Variants in ATP8A2 observed in about 807,000 individuals in gnomAD.
ATP8A2 encodes phospholipid-transporting ATPase IB.
In ATP8A2, 100 loss-of-function variants were observed where a neutral mutation model predicts 165.6. The observed-to-expected ratio is 0.60, with a 90% CI of 0.51 to 0.71. ATP8A2 has a LOEUF of 0.71. Ranked by LOEUF, ATP8A2 falls within the 30% of genes least tolerant of loss-of-function variation. The pLI, the probability that ATP8A2 is intolerant of heterozygous loss-of-function variation, is 0.00. For missense variants in ATP8A2, 1,227 were observed against 1,479.5 expected, an observed-to-expected ratio of 0.83 and a Z score of 2.80; for synonymous variants, 543 against 548.8, an observed-to-expected ratio of 0.99 and a Z score of 0.15.
At chr13:25,740,114 C>A (rs2043875953) in intron 25 of ATP8A2, among the ~76,000 whole-genome samples, 1 of 152,020 alleles carries the variant, frequency 6.6e-6, no homozygotes, top group African/African-American at 2.4e-5. Context: ...TCGAGACCAT[C>A]CTGGCTAACA....
intron 33 of ATP8A2, among the ~76,000 whole-genome samples, chr13:25,925,932 G>A (rs1195949644): frequency 6.6e-6 from 1 of 151,878 alleles, no homozygotes; most frequent in Non-Finnish European, 1.5e-5. Context: ...CTCCATATTG[G>A]CCAGGCTGGT....
intron 24 of ATP8A2, among the ~76,000 whole-genome samples, chr13:25,671,497 C>T (rs1419050511): frequency 6.6e-6 from 1 of 152,168 alleles, no homozygotes; most frequent in Admixed American, 6.5e-5. Flanking sequence ...TTCTTTTTCT[C>T]AGCATGGGAT....
intron 27 of ATP8A2, among the ~76,000 whole-genome samples, chr13:25,782,633 T>G (rs535992293): frequency 6.6e-6 from 1 of 152,248 alleles, no homozygotes; most frequent in African/African-American, 2.4e-5. Flanking sequence ...TTGCATATAA[T>G]CTATGCACAT....
chr13:25,860,938 A>C, intron 32 of ATP8A2, 78 bp downstream of exon 32: 1 of 986,586 alleles, frequency 1.0e-6, no homozygotes. Context: ...GCCTTGGGGA[A>C]ACCATAAGCA....
chr13:25,825,359 A>G (rs931323021), intron 27 of ATP8A2, among the ~76,000 whole-genome samples: 6 of 151,490 alleles, frequency 4.0e-5, no homozygotes, highest in African/African-American at 1.5e-4. Context: ...GGGTCTCACT[A>G]TGTTGCCCAG....
In ATP8A2 at chr13:25,769,289, G is replaced by A. The variant is rs1593317544; in HGVS notation, c.2568+60G>A. 4.6e-6 allele frequency: 7 copies of A among 1,531,788 alleles called. No individual in the cohort carries two copies. In the East Asian group the frequency reaches 9.1e-5, roughly 20 times the overall value. 94.9% of individuals were successfully genotyped at this position (1,531,788 alleles called of 1,614,324 possible). ...TTGAGAGATGATAGCTGGGCATGAG[G>A]ACCTGGCGTTTAACCTTCAGTGCAT... is the stretch of plus-strand genomic sequence containing the variant. On this transcript the variant is annotated intron_variant, in intron 26 of 36. Coordinates refer to ENST00000381655, the MANE Select transcript of ATP8A2 (RefSeq NM_016529.6).
intron 1 of ATP8A2, among the ~76,000 whole-genome samples, chr13:25,414,458 C>G (rs909649907): frequency 6.6e-6 from 1 of 152,136 alleles, no homozygotes; most frequent in Non-Finnish European, 1.5e-5. Flanking sequence ...TCCCAAAGTG[C>G]CGGGATTACA....
At chr13:25,491,644 C>T (rs1221981828) in intron 2 of ATP8A2, among the ~76,000 whole-genome samples, 1 of 152,180 alleles carries the variant, frequency 6.6e-6, no homozygotes, top group Non-Finnish European at 1.5e-5. Context: ...GGGTTTTTTA[C>T]ATCTAACATT....
At chr13:25,462,672 G>A (rs2035535444) in intron 1 of ATP8A2, among the ~76,000 whole-genome samples, 1 of 152,088 alleles carries the variant, frequency 6.6e-6, no homozygotes, top group African/African-American at 2.4e-5. Context: ...GAGGTTAGAA[G>A]GTCAGGCTTA....
intron 10 of ATP8A2, among the ~76,000 whole-genome samples, chr13:25,546,391 G>A (rs1347654912): frequency 6.6e-6 from 1 of 152,080 alleles, no homozygotes; most frequent in African/African-American, 2.4e-5. Flanking sequence ...AAAATAATGA[G>A]CTTTCAAAAG....
chr13:25,740,339 A>G (rs71431763), intron 25 of ATP8A2, among the ~76,000 whole-genome samples: 1,526 of 151,416 alleles, frequency 0.01, 25 homozygotes, highest in African/African-American at 0.033. Context: ...AGAGAAAGAC[A>G]TGATTATTTT....
At chr13:25,503,074 G>A (rs1231812108) in intron 2 of ATP8A2, among the ~76,000 whole-genome samples, 1 of 152,134 alleles carries the variant, frequency 6.6e-6, no homozygotes, top group African/African-American at 2.4e-5. Flanking sequence ...AGGCGGGTGG[G>A]ATCAGTGTGC....
chr13:25,749,045 C>A (rs2044098639), intron 25 of ATP8A2, among the ~76,000 whole-genome samples: 1 of 152,052 alleles, frequency 6.6e-6, no homozygotes, highest in Non-Finnish European at 1.5e-5. Context: ...ATTATAATGC[C>A]AATTGAGATA....
At chr13:25,593,609 A>G (rs193272212) in intron 24 of ATP8A2, among the ~76,000 whole-genome samples, 388 of 152,302 alleles carry the variant, frequency 2.5e-3, no homozygotes, top group African/African-American at 9.2e-3. Context: ...TATTGATAAT[A>G]CGTAAGGATT....
chr13:25,915,481 A>G (rs1327445422), intron 33 of ATP8A2, among the ~76,000 whole-genome samples: 1 of 152,232 alleles, frequency 6.6e-6, no homozygotes, highest in Non-Finnish European at 1.5e-5. Context: ...CGCTGGGCTC[A>G]TTAGCTCAGG....
chr13:25,955,669 G>A (rs1218114365), intron 33 of ATP8A2, among the ~76,000 whole-genome samples: 2 of 152,136 alleles, frequency 1.3e-5, no homozygotes, highest in African/African-American at 2.4e-5. Context: ...AGGACCAGAC[G>A]GATTCACAGC....
chr13:25,713,948 C>G (rs781747572), intron 25 of ATP8A2, among the ~76,000 whole-genome samples: 3 of 152,060 alleles, frequency 2.0e-5, no homozygotes, highest in Non-Finnish European at 4.4e-5. Context: ...TGCTTGGTCT[C>G]TTGTATTTCA....
At chr13:25,531,127 G>T (rs1327576636) in intron 4 of ATP8A2, among the ~76,000 whole-genome samples, 8 of 98,128 alleles carry the variant, frequency 8.2e-5, no homozygotes, top group African/African-American at 2.2e-4. Flanking sequence ...CTATATATTT[G>T]TGTGTGTGTG....
intron 32 of ATP8A2, among the ~76,000 whole-genome samples, chr13:25,861,241 C>T (rs999641715): frequency 6.6e-6 from 1 of 151,890 alleles, no homozygotes; most frequent in Non-Finnish European, 1.5e-5. Flanking sequence ...TTCCGGACTT[C>T]GTTCTATGTC....
Sources: allele counts gnomAD v4.1 joint callset (sites outside exome capture counted in the v4.1 genomes callset), GRCh38; gene constraint gnomAD v4.1.1; transcripts MANE v1.5; gene names NCBI Gene and HGNC (gene_info 2026-07-23, HGNC 2026-07-21).